The following FRMD5 variants were observed in gnomAD, a reference collection of about 807,000 sequenced individuals.
The protein encoded by FRMD5 is FERM domain containing 5, also known as FERM domain-containing protein 5.
A neutral mutation model predicts 69.0 loss-of-function variants in FRMD5; 20 were observed. That is an observed-to-expected ratio of 0.29 (90% CI 0.20 to 0.42). FRMD5 has a LOEUF of 0.42. Among genes scored for constraint, FRMD5 ranks in the 10% least tolerant of loss-of-function variants. The pLI, the probability that FRMD5 is intolerant of heterozygous loss-of-function variation, is 1.00. For missense variants in FRMD5, 595 were observed against 708.6 expected (o/e 0.84, Z 1.82); for synonymous variants, 271 against 260.1 (o/e 1.04, Z -0.40).
chr15:44,092,169 T>A (rs1396273933), intron 1 of FRMD5, among the ~76,000 whole-genome samples: 3 of 152,194 alleles, frequency 2.0e-5, no homozygotes, highest in African/African-American at 7.2e-5. Flanking sequence ...ATCTAGTCCC[T>A]TGATTGAAAG....
rs1221537335 is a variant in FRMD5 at position 44,043,714 on chromosome 15, C to T, written c.103-119405G>A. On this transcript the variant is annotated intron_variant, in intron 1 of 13. Coordinates refer to ENST00000417257, the MANE Select transcript of FRMD5 (RefSeq NM_032892.5). ...TAATAAATGGTGTTGGGAAAACTGGCTAGCCATATGCAGAAAGCTGAAACT... is the reference window on the plus strand; with the variant it reads ...TAATAAATGGTGTTGGGAAAACTGGTTAGCCATATGCAGAAAGCTGAAACT... Among the ~76,000 whole-genome samples, 11 of 152,256 alleles carry T rather than the reference C, an allele frequency of 7.2e-5. No homozygotes were observed. The East Asian group carries it at 2.1e-3, about 29-fold the overall frequency.
At chr15:44,090,609 T>A (rs1190940257) in intron 1 of FRMD5, among the ~76,000 whole-genome samples, 1 of 151,978 alleles carries the variant, frequency 6.6e-6, no homozygotes, top group African/African-American at 2.4e-5. Context: ...CTGGCTAATT[T>A]TTATATTTTT....
chr15:44,052,561 G>T (rs914571762), intron 1 of FRMD5, among the ~76,000 whole-genome samples: 2 of 151,982 alleles, frequency 1.3e-5, no homozygotes, highest in African/African-American at 4.8e-5. Flanking sequence ...TCCATTTCCA[G>T]AATCAAAATA....
chr15:44,122,792 T>A (rs888580461), intron 1 of FRMD5, among the ~76,000 whole-genome samples: 9 of 151,604 alleles, frequency 5.9e-5, no homozygotes, highest in Non-Finnish European at 1.3e-4. Context: ...TAGTCCCAGC[T>A]ACTCAGGAGA....
chr15:43,912,259 C>T (rs892636133), intron 4 of FRMD5, among the ~76,000 whole-genome samples: 6 of 152,192 alleles, frequency 3.9e-5, no homozygotes, highest in African/African-American at 1.4e-4. Flanking sequence ...CATCCCCTCA[C>T]TCCCACCAAC....
chr15:44,175,869 A>G (rs1311543670), intron 1 of FRMD5, among the ~76,000 whole-genome samples: 1 of 152,166 alleles, frequency 6.6e-6, no homozygotes, highest in Non-Finnish European at 1.5e-5. Context: ...GCATTTTTTT[A>G]AAAATTAAAG....
At chr15:44,129,084 A>C (rs1396961138) in intron 1 of FRMD5, among the ~76,000 whole-genome samples, 1 of 152,146 alleles carries the variant, frequency 6.6e-6, no homozygotes, top group Non-Finnish European at 1.5e-5. Context: ...TAATACAAAA[A>C]CTGAGACTAC....
chr15:44,056,861 A>T (rs559899149), intron 1 of FRMD5, among the ~76,000 whole-genome samples: 40 of 152,260 alleles, frequency 2.6e-4, no homozygotes, highest in Middle Eastern at 3.4e-3. Flanking sequence ...CCCTGAGGAC[A>T]ACCAGGGACA....
chr15:44,170,824 C>G (rs1295249597), intron 1 of FRMD5, among the ~76,000 whole-genome samples: 1 of 152,144 alleles, frequency 6.6e-6, no homozygotes, highest in African/African-American at 2.4e-5. Context: ...CATGAAAACT[C>G]TAAATTGAGT....
In FRMD5 at chr15:43,974,260, GA is replaced by G. The variant is rs143585068; in HGVS notation, c.103-49952del. 2.4e-3 allele frequency among the ~76,000 whole-genome samples: 373 copies of G among 152,280 alleles called. 13 individuals are homozygous for G. In the East Asian group the frequency reaches 0.068, roughly 28 times the overall value. ...AAGGGTGAATGAGAGTTTGCCAAAT[GA>G]AAAGGGTCATGGAAAGCAATCTAGG... On this transcript the variant is annotated intron_variant, in intron 1 of 13. Transcript: ENST00000417257.
At chr15:44,123,414 T>C (rs1188996217) in intron 1 of FRMD5, among the ~76,000 whole-genome samples, 2 of 151,952 alleles carry the variant, frequency 1.3e-5, no homozygotes, top group Admixed American at 1.3e-4. Context: ...GACAAGTTTA[T>C]TTGGTACTAT....
chr15:44,114,718 A>C (rs1319923194), intron 1 of FRMD5, among the ~76,000 whole-genome samples: 2 of 152,252 alleles, frequency 1.3e-5, no homozygotes, highest in South Asian at 4.1e-4. Flanking sequence ...GAAATCTGAT[A>C]ATTGTAGTAC....
At chr15:43,874,639 C>A (rs1010059365) in intron 13 of FRMD5, among the ~76,000 whole-genome samples, 177 bp from the exon 14 acceptor site, 10 of 152,176 alleles carry the variant, frequency 6.6e-5, no homozygotes, top group Admixed American at 2.6e-4. Context: ...GTGGCTTACA[C>A]CTGTCATCTC....
chr15:43,935,625 G>A (rs2089747600), intron 1 of FRMD5, among the ~76,000 whole-genome samples: 1 of 152,158 alleles, frequency 6.6e-6, no homozygotes. Context: ...GATAGAGAGA[G>A]CAAACAGAGG....
At chr15:43,922,321 C>G (rs1014118095) in intron 2 of FRMD5, among the ~76,000 whole-genome samples, 21 of 152,190 alleles carry the variant, frequency 1.4e-4, no homozygotes, top group Non-Finnish European at 4.4e-5. Flanking sequence ...GGATACTCAT[C>G]TCATTTTGTT....
At chr15:43,926,685 G>A (rs1238499163) in intron 1 of FRMD5, among the ~76,000 whole-genome samples, 2 of 151,842 alleles carry the variant, frequency 1.3e-5, no homozygotes, top group Admixed American at 1.3e-4. Flanking sequence ...TACAGAAGGA[G>A]GCAACATGTG....
Position 43,888,197 on chromosome 15 carries a change from T to G in FRMD5, c.862A>C (p.Ile288Leu), listed in dbSNP as rs2088708416. Residue 288 changes from isoleucine to leucine, a missense_variant, in exon 10 of 14, where the codon ATC becomes CTC. Ile to Leu is a conservative substitution (Grantham distance 5, BLOSUM62 2). This residue lies in a region of FRMD5 where 176 missense variants were observed against 266.3 expected (regional missense o/e 0.66). Coordinates refer to ENST00000417257, the MANE Select transcript of FRMD5 (RefSeq NM_032892.5). ...EACKHLWKCG[I>L]ENQAFYKLEK... ...CACTTGTAGAAGGCTTGGTTCTCGA[T>G]TCCACATTTCCAGAGGTGCTTACAC... is the stretch of plus-strand genomic sequence containing the variant. 1.2e-6 allele frequency: 2 copies of G among 1,613,638 alleles called. No homozygotes were observed. The highest frequency in any genetic ancestry group is 2.2e-5 in the South Asian group (2 of 91,068).
rs545670245 is a variant in FRMD5 at position 43,877,067 on chromosome 15, G to A, written c.1136-2605C>T. ...CTTTGGGCATATAGTGAGTGAGCGC[G>A]GCCCCCATCACAGTGCTCCCAAGGA... is the stretch of plus-strand genomic sequence containing the variant. On this transcript the variant is annotated intron_variant, in intron 13 of 13. Coordinates refer to ENST00000417257, the MANE Select transcript of FRMD5 (RefSeq NM_032892.5). Among the ~76,000 whole-genome samples the A allele has an allele frequency of 7.9e-5, 12 of 152,286 alleles. No individual in the cohort carries two copies. The South Asian group carries it at 8.3e-4, about 11-fold the overall frequency.
chr15:44,149,038 A>C (rs1309160415), intron 1 of FRMD5, among the ~76,000 whole-genome samples: 1 of 152,188 alleles, frequency 6.6e-6, no homozygotes, highest in East Asian at 1.9e-4. Context: ...TTTGTTTTCT[A>C]CATAATTTAA....
Sources: allele counts gnomAD v4.1 joint callset (sites outside exome capture counted in the v4.1 genomes callset), GRCh38; gene constraint gnomAD v4.1.1; regional missense constraint gnomAD v4.1.1; transcripts MANE v1.5; gene names NCBI Gene and HGNC (gene_info 2026-07-23, HGNC 2026-07-21).